The following CORO1B variants were observed in gnomAD, a reference collection of about 807,000 sequenced individuals.
The protein encoded by CORO1B is coronin-1B.
CORO1B carries 30 observed loss-of-function variants against 51.1 expected under a neutral mutation model. That is an observed-to-expected ratio of 0.59 (90% CI 0.44 to 0.80). CORO1B has a LOEUF of 0.80. CORO1B is among the 30% of genes least tolerant of loss of function. The pLI, the probability that CORO1B is intolerant of heterozygous loss-of-function variation, is 0.00. For synonymous variants in CORO1B, 310 were observed against 289.7 expected (o/e 1.07, Z -0.71); for missense variants, 648 against 700.4 (o/e 0.93, Z 0.84).
Position 67,436,326 on chromosome 11 carries a change from C to A in CORO1B, c.*2050G>T, listed in dbSNP as rs758359868. The A allele has an allele frequency of 1.4e-4, 216 of 1,507,380 alleles. No individual in the cohort carries two copies. Among genetic ancestry groups the A allele is most frequent in the Non-Finnish European group, 1.8e-4 (201 of 1,129,978 alleles). 93.4% of individuals were successfully genotyped at this position (1,507,380 alleles called of 1,614,324 possible). On this transcript the variant is annotated 3_prime_UTR_variant, in exon 11 of 11. Transcript: ENST00000341356. The stretch of plus-strand genomic sequence containing the variant: ...GCCCCTGGCAGGGCCAGCAGCATCC[C>A]GAGCCCTAAGGTGCAGGGCAGAGCC...
chr11:67,438,237 T>C lies in CORO1B; in HGVS notation c.*139A>G. The C allele has an allele frequency of 9.1e-7, 1 of 1,100,348 alleles. No individual in the cohort carries two copies. Among genetic ancestry groups the C allele is most frequent in the Non-Finnish European group, 1.3e-6 (1 of 780,786 alleles). The allele number at this position is 1,100,348 out of a possible 1,614,324, so 68.2% of individuals were successfully genotyped here. ...CTGGGCGCTGGCTTCGGCCTGGGCC[T>C]GGGACGGGTGGGGGTGGGAACTGAC... On this transcript the variant is annotated 3_prime_UTR_variant, in exon 11 of 11. Coordinates refer to ENST00000341356, the MANE Select transcript of CORO1B (RefSeq NM_020441.3).
rs1437367332 is a variant in CORO1B at position 67,441,189 on chromosome 11, T to C, written c.692A>G (p.Asp231Gly). 1 of 1,613,108 alleles carries C rather than the reference T, an allele frequency of 6.2e-7. No homozygotes were observed. Among genetic ancestry groups the C allele is most frequent in the East Asian group, 2.2e-5 (1 of 44,870 alleles). ...ARPMRAIFLA[D>G]GKVFTTGFSR... ...GAAGCCTGTGGTGAACACCTTGCCATCTGCCAGGAAGATGGCCCGCATGGG... is the reference window on the plus strand; with the variant it reads ...GAAGCCTGTGGTGAACACCTTGCCACCTGCCAGGAAGATGGCCCGCATGGG... Residue 231 changes from aspartate to glycine, a missense_variant, in exon 6 of 11, where the codon GAT (aspartate) becomes GGT (glycine). Transcript: ENST00000341356.
At position 67,435,771 on chromosome 11, in the gene CORO1B, C is replaced by T. The variant is rs780789061; in HGVS notation, c.*2605G>A. On this transcript the variant is annotated 3_prime_UTR_variant, in exon 11 of 11. Transcript: ENST00000341356. ...ACATGGAGGCCCTGGCCCCCAGCTG[C>T]CCTGGCGCTGTCATCCCAGGCTGCG... is the stretch of plus-strand genomic sequence containing the variant. 1.3e-6 allele frequency: 2 copies of T among 1,569,788 alleles called. No individual in the cohort carries two copies. Among genetic ancestry groups the T allele is most frequent in the African/African-American group, 2.7e-5 (2 of 74,202 alleles).
In CORO1B at chr11:67,437,473, G is replaced by A. The variant is rs1390975710; in HGVS notation, c.*903C>T. On this transcript the variant is annotated 3_prime_UTR_variant, in exon 11 of 11. Transcript: ENST00000341356. The stretch of plus-strand genomic sequence containing the variant: ...GGAGCCCAGCTCAGGTGAGAGAAAG[G>A]TTCAGCCTCTGCCATACTCCTCTTA... 9.8e-7 allele frequency: 1 copy of A among 1,017,530 alleles called. No homozygotes were observed. Among genetic ancestry groups the A allele is most frequent in the Non-Finnish European group, 1.3e-6 (1 of 757,820 alleles). The allele number at this position is 1,017,530 out of a possible 1,614,324, so 63.0% of individuals were successfully genotyped here.
In CORO1B at chr11:67,435,894, C is replaced by T. The variant is rs1864261060; in HGVS notation, c.*2482G>A. The stretch of plus-strand genomic sequence containing the variant: ...CCGAGGACCAGGTCGCCCTCCGTGT[C>T]ACTGTCTCTGGCTTCCTCAGCCCGC... On this transcript the variant is annotated 3_prime_UTR_variant, in exon 11 of 11. Transcript: ENST00000341356. The T allele has an allele frequency of 3.1e-6, 5 of 1,612,296 alleles. No homozygotes were observed. In the African/African-American group the frequency reaches 4.0e-5, roughly 13 times the overall value.
intron 9 of CORO1B, 139 bp from the exon 10 acceptor site, chr11:67,439,088 C>T (rs1212559569): frequency 5.2e-6 from 5 of 968,178 alleles, no homozygotes; most frequent in Non-Finnish European, 7.4e-6. Flanking sequence ...CCTTTAACTT[C>T]CTTTCTGGAC....
At position 67,440,416 on chromosome 11, in the gene CORO1B, G is replaced by C. The variant is rs1195930550; in HGVS notation, c.780C>G (p.Ala260=). The C allele has an allele frequency of 6.2e-7, 1 of 1,613,866 alleles. No individual in the cohort carries two copies. The highest frequency in any genetic ancestry group is 8.5e-7 in the Non-Finnish European group (1 of 1,179,994). The stretch of plus-strand genomic sequence containing the variant: ...CGTTGCTCGAGTCCAGTTCCTGCAG[G>C]GCCATGGGTTCCTCGAGGTTTTCCT... The part of the protein sequence containing the change: ...WDPENLEEPM[A]LQELDSSNGA... Residue 260 remains alanine (A), a synonymous_variant, in exon 7 of 11, where the codon GCC becomes GCG. Transcript: ENST00000341356.
chr11:67,440,012 G>T (rs1012227031), intron 8 of CORO1B, 106 bp downstream of exon 8: 2 of 1,502,264 alleles, frequency 1.3e-6, no homozygotes, highest in South Asian at 2.5e-5. Context: ...CTCATGGCCC[G>T]CCGGGCCTCC....
chr11:67,442,439 G>A lies in CORO1B; in HGVS notation c.190C>T (p.Pro64Ser). The A allele has an allele frequency of 6.2e-7, 1 of 1,613,212 alleles. No individual in the cohort carries two copies. The highest frequency in any genetic ancestry group is 8.5e-7 in the Non-Finnish European group (1 of 1,180,010). The change falls in exon 2 of 11, where the codon CCC becomes TCC. Residue 64 changes from proline to serine, a missense_variant. Physicochemically the swap from Pro to Ser is moderately conservative, Grantham distance 74 (BLOSUM62 -1). Transcript: ENST00000341356. ...CTGACAGGACCCACCTTGCTTAGGG[G>A]GAGCACCAGAAAGGCACCCCCTCCA... Reference protein sequence around the residue: ...ASGGGAFLVLPLSKTGRIDKA... With the variant: ...ASGGGAFLVLSLSKTGRIDKA...
intron 6 of CORO1B, chr11:67,440,733 C>A: frequency 1.5e-6 from 1 of 651,548 alleles, no homozygotes; most frequent in Non-Finnish European, 2.8e-6. Flanking sequence ...GCCAGCGGCA[C>A]CAGCCCCTGC....
rs745532568 is a variant in CORO1B at position 67,438,455 on chromosome 11, C to T, written c.1391G>A (p.Arg464Lys). ...EEVMQELRALRALVKEQGDRI... is the reference protein window; with the variant it reads ...EEVMQELRALKALVKEQGDRI... Reference sequence around the variant, plus strand: ...GTCGCCCTGCTCCTTGACCAGCGCCCTCAGGGCCCGCAGCTCCTGCATCAC... The same window carrying T: ...GTCGCCCTGCTCCTTGACCAGCGCCTTCAGGGCCCGCAGCTCCTGCATCAC... The change falls in exon 11 of 11, where the codon AGG becomes AAG. Residue 464 changes from arginine to lysine, a missense_variant. Transcript: ENST00000341356. The T allele has an allele frequency of 1.2e-6, 2 of 1,611,288 alleles. No homozygotes were observed. Among genetic ancestry groups the T allele is most frequent in the South Asian group, 1.1e-5 (1 of 91,026 alleles).
Position 67,438,169 on chromosome 11 carries a change from CT to C in CORO1B, c.*206del, listed in dbSNP as rs1283162043. 1.8e-6 allele frequency: 1 copy of C among 547,210 alleles called. No individual in the cohort carries two copies. The highest frequency in any genetic ancestry group is 3.5e-5 in the Admixed American group (1 of 28,864). 33.9% of individuals were successfully genotyped at this position (547,210 alleles called of 1,614,324 possible). ...AGATGGTCCCTCAGAGGTCGAGGAG[CT>C]CGCCTGGGCGTAGACATCCTCCACA... On this transcript the variant is annotated 3_prime_UTR_variant, in exon 11 of 11. Transcript: ENST00000341356.
chr11:67,438,085 T>A lies in CORO1B; in HGVS notation c.*291A>T, dbSNP rs1590984346. ...GAGAATTTTATTTGGAATGAAAATATAGAGCCCACCCTCCCGCCTCCTCTG... is the reference window on the plus strand; with the variant it reads ...GAGAATTTTATTTGGAATGAAAATAAAGAGCCCACCCTCCCGCCTCCTCTG... On this transcript the variant is annotated 3_prime_UTR_variant, in exon 11 of 11. Coordinates refer to ENST00000341356, the MANE Select transcript of CORO1B (RefSeq NM_020441.3). 5.1e-6 allele frequency: 2 copies of A among 390,802 alleles called. No homozygotes were observed. The allele number at this position is 390,802 out of a possible 1,614,324, so 24.2% of individuals were successfully genotyped here.
At position 67,438,384 on chromosome 11, in the gene CORO1B, C is replaced by T. The variant is rs755334931; in HGVS notation, c.1462G>A (p.Asp488Asn). 6.2e-7 allele frequency: 1 copy of T among 1,605,184 alleles called. No individual in the cohort carries two copies. Among genetic ancestry groups the T allele is most frequent in the Admixed American group, 1.7e-5 (1 of 59,786 alleles). ...EEQLGRMENG[D>N]A Reference sequence around the variant, plus strand: ...GGCGTGTGGCTGTGGCCCTACGCATCCCCGTTCTCCATGCGGCCCAGCTGC... The same window carrying T: ...GGCGTGTGGCTGTGGCCCTACGCATTCCCGTTCTCCATGCGGCCCAGCTGC... The change falls in exon 11 of 11, where the codon GAT (aspartate) becomes AAT (asparagine). Residue 488 changes from aspartate (D) to asparagine (N), a missense_variant. Asp to Asn is a conservative substitution (Grantham distance 23). Coordinates refer to ENST00000341356, the MANE Select transcript of CORO1B (RefSeq NM_020441.3).
chr11:67,441,109 C>T lies in CORO1B; in HGVS notation c.756+16G>A. The stretch of plus-strand genomic sequence containing the variant: ...GGCCCAAGTCTCAAGTTTGCCCCCT[C>T]AGGCTGGCCACTCACTGGGTCCCAG... On this transcript the variant is annotated intron_variant, in intron 6 of 10. Coordinates refer to ENST00000341356, the MANE Select transcript of CORO1B (RefSeq NM_020441.3). The T allele has an allele frequency of 6.2e-7, 1 of 1,612,936 alleles. No individual in the cohort carries two copies. Among genetic ancestry groups the T allele is most frequent in the Non-Finnish European group, 8.5e-7 (1 of 1,179,986 alleles).
intron 6 of CORO1B, chr11:67,440,671 C>A: frequency 1.5e-6 from 1 of 680,646 alleles, no homozygotes; most frequent in Admixed American, 2.0e-5. Flanking sequence ...TAAGACTATG[C>A]CCAGGCCACT....
chr11:67,440,947 G>A (rs1435915132), intron 6 of CORO1B, 178 bp downstream of exon 6: 8 of 821,460 alleles, frequency 9.7e-6, no homozygotes, highest in African/African-American at 8.5e-5. Context: ...GGGGAGTGGT[G>A]GGGCAGTCGG....
At chr11:67,438,632 C>G in intron 10 of CORO1B, 39 bp downstream of exon 10, 1 of 1,514,248 alleles carries the variant, frequency 6.6e-7, no homozygotes, top group Non-Finnish European at 8.8e-7. Context: ...AGGGCCACAC[C>G]TGGGGCTCCC....
intron 1 of CORO1B, among the ~76,000 whole-genome samples, chr11:67,442,939 G>T (rs1169603128): frequency 6.6e-6 from 1 of 152,218 alleles, no homozygotes. Flanking sequence ...AGGTGCCGGG[G>T]TTGGAGAGCT....
Sources: allele counts gnomAD v4.1 joint callset (sites outside exome capture counted in the v4.1 genomes callset), GRCh38; gene constraint gnomAD v4.1.1; transcripts MANE v1.5; gene names NCBI Gene and HGNC (gene_info 2026-07-23, HGNC 2026-07-21).